The following IL1RAPL1 variants were observed in gnomAD, a reference collection of about 807,000 sequenced individuals.
IL1RAPL1 encodes interleukin 1 receptor accessory protein like 1.
IL1RAPL1 carries 3 observed loss-of-function variants against 48.4 expected under a neutral mutation model. The ratio of observed to expected loss-of-function variants is 0.06; its 90% CI spans 0.03 to 0.16. IL1RAPL1 has a LOEUF of 0.16. Among genes scored for constraint, IL1RAPL1 ranks in the 10% least tolerant of loss-of-function variants. The pLI is 1.00. For missense variants in IL1RAPL1, 349 were observed against 530.6 expected, an observed-to-expected ratio of 0.66 and a Z score of 3.36; for synonymous variants, 185 against 187.7, an observed-to-expected ratio of 0.99 and a Z score of 0.12.
intron 2 of IL1RAPL1, among the ~76,000 whole-genome samples, chrX:28,815,204 C>G (rs1569178828): frequency 9.0e-6 from 1 of 110,847 alleles, no homozygotes; most frequent in Non-Finnish European, 1.9e-5. Flanking sequence ...TTTCACATTT[C>G]TTGCAGGGCA....
At position 28,683,855 on chromosome X, in the gene IL1RAPL1, A is replaced by T. The variant is rs1323771289; in HGVS notation, c.-25+95808A>T. ...TCACATCAGTCTGACCTCTCCGTTC[A>T]TCATCTTTGACTCTGACTCTTCTGC... On this transcript the variant is annotated intron_variant, in intron 1 of 10. Transcript: ENST00000378993. Among the ~76,000 whole-genome samples the T allele has an allele frequency of 3.6e-5, 4 of 112,039 alleles. 1 individual carries two copies. Among genetic ancestry groups the T allele is most frequent in the Middle Eastern group, 8.4e-3 (2 of 239 alleles).
At chrX:29,125,728 T>A (rs886102375) in intron 2 of IL1RAPL1, among the ~76,000 whole-genome samples, 2 of 111,254 alleles carry the variant, frequency 1.8e-5, no homozygotes, top group Admixed American at 9.7e-5. Context: ...CTGGGGTTTT[T>A]GTTTTGACTG....
intron 2 of IL1RAPL1, among the ~76,000 whole-genome samples, chrX:28,809,295 C>T (rs989308187): frequency 9.1e-6 from 1 of 110,131 alleles, no homozygotes; most frequent in Non-Finnish European, 1.9e-5. Flanking sequence ...AGAGTACAGC[C>T]TAGTGGGCTT....
chrX:29,864,445 G>A (rs1455780851), intron 6 of IL1RAPL1, among the ~76,000 whole-genome samples: 1 of 111,847 alleles, frequency 8.9e-6, no homozygotes, highest in African/African-American at 3.3e-5. Flanking sequence ...TTCACATAGT[G>A]TTCTTAGAAT....
chrX:29,692,403 T>G (rs895863391), intron 6 of IL1RAPL1, among the ~76,000 whole-genome samples: 4 of 111,983 alleles, frequency 3.6e-5, no homozygotes, highest in Non-Finnish European at 7.5e-5. Flanking sequence ...TTGTTTGCAA[T>G]TATGAAAACT....
chrX:29,585,926 A>G (rs1323411180), intron 5 of IL1RAPL1, among the ~76,000 whole-genome samples: 8 of 111,731 alleles, frequency 7.2e-5, no homozygotes, highest in Non-Finnish European at 9.4e-5. Context: ...TTCCTTATGT[A>G]TTTTGGAGAT....
intron 2 of IL1RAPL1, among the ~76,000 whole-genome samples, chrX:28,815,167 A>G (rs183787996): frequency 1.2e-3 from 135 of 110,643 alleles, no homozygotes; most frequent in Non-Finnish European, 2.0e-3. Flanking sequence ...TATAACCTAT[A>G]TTATTTTACC....
intron 1 of IL1RAPL1, among the ~76,000 whole-genome samples, chrX:28,686,122 T>TCTTGCC (rs1935107224): frequency 8.9e-6 from 1 of 112,237 alleles, no homozygotes; most frequent in African/African-American, 3.2e-5. Context: ...GTTGTGCACA[T>TCTTGCC]CTTGCCCACT....
At chrX:29,328,642 TAGAGAG>T (rs372684157) in intron 3 of IL1RAPL1, among the ~76,000 whole-genome samples, 95 of 103,988 alleles carry the variant, frequency 9.1e-4, no homozygotes, top group Non-Finnish European at 1.6e-3. Flanking sequence ...TATATATATA[TAGAGAG>T]AGAGAGAGAG....
At chrX:28,825,827 A>G (rs1936989425) in intron 2 of IL1RAPL1, among the ~76,000 whole-genome samples, 1 of 111,456 alleles carries the variant, frequency 9.0e-6, no homozygotes. Flanking sequence ...AATAAGGTTT[A>G]ATTGCATTCC....
intron 1 of IL1RAPL1, among the ~76,000 whole-genome samples, chrX:28,772,196 G>T (rs1936317806): frequency 9.0e-6 from 1 of 110,679 alleles, no homozygotes; most frequent in Non-Finnish European, 1.9e-5. Context: ...TCTTCCTACT[G>T]GGATGATAAC....
intron 6 of IL1RAPL1, among the ~76,000 whole-genome samples, chrX:29,706,464 G>A (rs1927198271): frequency 9.0e-6 from 1 of 111,602 alleles, no homozygotes; most frequent in African/African-American, 3.3e-5. Context: ...GATACAGTGG[G>A]GGTACAGGCA....
chrX:29,724,584 A>G (rs1927727523), intron 6 of IL1RAPL1, among the ~76,000 whole-genome samples: 1 of 112,251 alleles, frequency 8.9e-6, no homozygotes, highest in Admixed American at 9.4e-5. Context: ...CTTGTTTTAA[A>G]GGAGAAAATG....
intron 6 of IL1RAPL1, among the ~76,000 whole-genome samples, chrX:29,734,207 GTAGGAAAATAGAT>G (rs1362921687): frequency 1.8e-5 from 2 of 112,942 alleles, no homozygotes; most frequent in Non-Finnish European, 3.7e-5. Context: ...AGTATTGTGA[GTAGGAAAATAGAT>G]TATCATACAG....
chrX:28,722,017 G>T (rs1322151670), intron 1 of IL1RAPL1, among the ~76,000 whole-genome samples: 1 of 111,480 alleles, frequency 9.0e-6, no homozygotes, highest in Non-Finnish European at 1.9e-5. Flanking sequence ...ATAGTTTGAA[G>T]TCAGGTAGCA....
intron 5 of IL1RAPL1, among the ~76,000 whole-genome samples, chrX:29,501,660 A>G (rs927637624): frequency 9.0e-6 from 1 of 110,877 alleles, no homozygotes; most frequent in African/African-American, 3.3e-5. Context: ...TCTATTTTGT[A>G]CCATTGATCT....
intron 6 of IL1RAPL1, among the ~76,000 whole-genome samples, chrX:29,909,760 C>T (rs748376936): frequency 4.5e-5 from 5 of 111,621 alleles, no homozygotes; most frequent in African/African-American, 1.6e-4. Context: ...AAAGTCAAAA[C>T]ATAACAGATG....
At chrX:29,362,273 G>A (rs1178733558) in intron 3 of IL1RAPL1, among the ~76,000 whole-genome samples, 1 of 112,298 alleles carries the variant, frequency 8.9e-6, no homozygotes, top group African/African-American at 3.2e-5. Context: ...AAAACATTAT[G>A]TCTTATTTAC....
At chrX:29,788,519 C>T (rs2147160975) in intron 6 of IL1RAPL1, among the ~76,000 whole-genome samples, 1 of 110,996 alleles carries the variant, frequency 9.0e-6, no homozygotes, top group Admixed American at 9.6e-5. Flanking sequence ...ATTCTTTTTT[C>T]CCTTTCATTT....
Sources: allele counts gnomAD v4.1 joint callset (sites outside exome capture counted in the v4.1 genomes callset), GRCh38; gene constraint gnomAD v4.1.1; transcripts MANE v1.5; gene names NCBI Gene and HGNC (gene_info 2026-07-23, HGNC 2026-07-21).